CRADD: variants seen among roughly 807,000 people sequenced by gnomAD.
CRADD encodes the protein CARD and death domain containing adaptor protein, also known as death domain-containing protein CRADD.
Under a neutral mutation model 15.5 loss-of-function variants are expected in CRADD, and 9 were observed. That is an observed-to-expected ratio of 0.58 (90% CI 0.35 to 1.01). The LOEUF (loss-of-function observed/expected upper bound fraction) is 1.01, where lower values mean the gene tolerates loss of function less well. CRADD is among the 50% of genes least tolerant of loss of function. The pLI, the probability that CRADD is intolerant of heterozygous loss-of-function variation, is 0.02. For synonymous variants in CRADD, 118 were observed against 107.6 expected, an observed-to-expected ratio of 1.10 and a Z score of -0.60; for missense variants, 227 against 250.3, an observed-to-expected ratio of 0.91 and a Z score of 0.63.
At chr12:93,797,831 C>T (rs1957436442) in intron 2 of CRADD, among the ~76,000 whole-genome samples, 1 of 152,186 alleles carries the variant, frequency 6.6e-6, no homozygotes, top group Admixed American at 6.5e-5. Flanking sequence ...AATGTGCCTT[C>T]AGTGTCTGGC....
At chr12:93,881,556 G>A (rs1320499886) in intron 2 of CRADD, among the ~76,000 whole-genome samples, 5 of 152,014 alleles carry the variant, frequency 3.3e-5, no homozygotes, top group Non-Finnish European at 2.9e-5. Context: ...AGGGATGAAC[G>A]TTTTCAAAAG....
intron 2 of CRADD, among the ~76,000 whole-genome samples, chr12:93,774,846 A>G (rs1475814985): frequency 6.6e-5 from 10 of 152,210 alleles, no homozygotes; most frequent in Admixed American, 6.5e-5. Flanking sequence ...AAATATTTAC[A>G]CAATAATTAC....
chr12:93,833,784 TAAGTA>T (rs1471024369), intron 2 of CRADD, among the ~76,000 whole-genome samples: 3 of 151,922 alleles, frequency 2.0e-5, no homozygotes, highest in Admixed American at 2.0e-4. Context: ...CCTCTATGGT[TAAGTA>T]AAGAGATAAG....
intron 2 of CRADD, among the ~76,000 whole-genome samples, chr12:93,717,882 T>G (rs1238180912): frequency 6.6e-6 from 1 of 152,140 alleles, no homozygotes; most frequent in Admixed American, 6.5e-5. Flanking sequence ...ATTCTTTTTG[T>G]TTTTTTGCAC....
At chr12:93,808,067 G>A (rs1447551448) in intron 2 of CRADD, among the ~76,000 whole-genome samples, 1 of 151,838 alleles carries the variant, frequency 6.6e-6, no homozygotes, top group Non-Finnish European at 1.5e-5. Flanking sequence ...AGGGTGGGTG[G>A]GGAGGCCCCC....
intron 2 of CRADD, among the ~76,000 whole-genome samples, chr12:93,767,494 G>A (rs1243464765): frequency 6.6e-6 from 1 of 152,118 alleles, no homozygotes; most frequent in African/African-American, 2.4e-5. Flanking sequence ...CATTCATTGA[G>A]GTTTATTGTG....
intron 2 of CRADD, among the ~76,000 whole-genome samples, chr12:93,727,899 A>C (rs966455788): frequency 6.6e-6 from 1 of 152,060 alleles, no homozygotes; most frequent in Non-Finnish European, 1.5e-5. Flanking sequence ...ACTGGGACCC[A>C]CCCCAAGAGT....
At chr12:93,713,404 T>G (rs1956108230) in intron 2 of CRADD, among the ~76,000 whole-genome samples, 1 of 152,132 alleles carries the variant, frequency 6.6e-6, no homozygotes, top group Non-Finnish European at 1.5e-5. Flanking sequence ...TGTAATATAG[T>G]CACCCCTCAG....
intron 2 of CRADD, among the ~76,000 whole-genome samples, chr12:93,885,436 G>GCCCCCCCC (rs138828699): frequency 2.0e-5 from 3 of 151,396 alleles, no homozygotes; most frequent in African/African-American, 7.3e-5. Context: ...AGGTCCTCGT[G>GCCCCCCCC]CCCCCGCCAC....
Position 93,839,201 on chromosome 12 carries a change from A to G in CRADD, c.299-10769A>G, listed in dbSNP as rs373906539. ...TCCCTATGTGCTGTTTTGTATTTCT[A>G]TATCTCTTCCCCCAGCAATGAGCTT... On this transcript the variant is annotated intron_variant, in intron 2 of 2. Coordinates refer to ENST00000332896, the MANE Select transcript of CRADD (RefSeq NM_003805.5). Among the ~76,000 whole-genome samples the G allele has an allele frequency of 6.0e-4, 91 of 152,100 alleles. 1 individual carries two copies. In the South Asian group the frequency reaches 0.017, roughly 29 times the overall value.
chr12:93,828,256 T>G (rs1957848803), intron 2 of CRADD, among the ~76,000 whole-genome samples: 1 of 152,336 alleles, frequency 6.6e-6, no homozygotes, highest in Admixed American at 6.5e-5. Context: ...AGTCAGTGGT[T>G]TGTCTTTTAA....
chr12:93,818,808 A>G (rs752108324), intron 2 of CRADD, among the ~76,000 whole-genome samples: 1 of 152,152 alleles, frequency 6.6e-6, no homozygotes, highest in East Asian at 1.9e-4. Context: ...TCCCTGAGAA[A>G]TCCTCCCAAA....
intron 2 of CRADD, among the ~76,000 whole-genome samples, chr12:93,732,277 G>T (rs895360558): frequency 3.9e-5 from 5 of 129,188 alleles, no homozygotes; most frequent in Non-Finnish European, 5.4e-5. Flanking sequence ...AGTAACTTTA[G>T]TGTGCATTTT....
At chr12:93,889,545 C>T (rs542391598) in intron 2 of CRADD, among the ~76,000 whole-genome samples, 5 of 152,302 alleles carry the variant, frequency 3.3e-5, no homozygotes, top group East Asian at 3.9e-4. Context: ...CCCTCCACTG[C>T]AGCACTTCTC....
chr12:93,840,884 G>A (rs1352846473), intron 2 of CRADD, among the ~76,000 whole-genome samples: 2 of 152,080 alleles, frequency 1.3e-5, no homozygotes, highest in Non-Finnish European at 1.5e-5. Flanking sequence ...GTATTCCACA[G>A]TATTGGATCT....
intron 2 of CRADD, among the ~76,000 whole-genome samples, chr12:93,834,805 T>C (rs1052047139): frequency 6.6e-6 from 1 of 152,186 alleles, no homozygotes; most frequent in African/African-American, 2.4e-5. Context: ...AGTTTTATAT[T>C]TAAATGAATT....
intron 2 of CRADD, among the ~76,000 whole-genome samples, chr12:93,892,122 T>C (rs1958580337): frequency 6.6e-6 from 1 of 152,150 alleles, no homozygotes; most frequent in African/African-American, 2.4e-5. Flanking sequence ...CCCCTGCTCT[T>C]CTGTCTCCAA....
intron 2 of CRADD, among the ~76,000 whole-genome samples, chr12:93,728,676 G>A (rs1001749848): frequency 2.6e-5 from 4 of 152,130 alleles, no homozygotes; most frequent in Admixed American, 1.3e-4. Flanking sequence ...TTGGAAGCCA[G>A]TATAATCTGG....
intron 2 of CRADD, among the ~76,000 whole-genome samples, chr12:93,743,888 C>G (rs759663526): frequency 3.9e-5 from 6 of 151,916 alleles, no homozygotes; most frequent in Non-Finnish European, 8.8e-5. Context: ...ACACTTATAT[C>G]CTGTTCTCTG....
Sources: gnomAD v4.1 joint callset for allele counts (sites outside exome capture counted in the v4.1 genomes callset) on GRCh38, gnomAD v4.1.1 for gene constraint, MANE v1.5 for transcripts, NCBI Gene and HGNC (gene_info 2026-07-23, HGNC 2026-07-21) for gene names.